Variants in ZNF26 observed in about 807,000 individuals in gnomAD.
The protein encoded by ZNF26 is zinc finger protein 26, also known as epididymis luminal protein 179.
In ZNF26, 32 loss-of-function variants were observed where a neutral mutation model predicts 54.9. The ratio of observed to expected loss-of-function variants is 0.58; its 90% CI spans 0.44 to 0.78. ZNF26 has a LOEUF of 0.78. Ranked by LOEUF, ZNF26 falls within the 30% of genes least tolerant of loss-of-function variation. The pLI is 0.00. For missense variants in ZNF26, 524 were observed against 634.0 expected, an observed-to-expected ratio of 0.83 and a Z score of 1.86; for synonymous variants, 221 against 209.2, an observed-to-expected ratio of 1.06 and a Z score of -0.49.
chr12:133,006,947 G>A, intron 1 of ZNF26, 95 bp from the exon 2 acceptor site: 4 of 1,415,580 alleles, frequency 2.8e-6, no homozygotes, highest in Non-Finnish European at 4.0e-6. Flanking sequence ...GAAATAGTTG[G>A]TAGAGGAACA....
chr12:133,025,365 T>C lies in ZNF26; in HGVS notation c.*13884T>C, dbSNP rs1953690478. On this transcript the variant is annotated 3_prime_UTR_variant, in exon 4 of 4. Coordinates refer to ENST00000328654, the MANE Select transcript of ZNF26 (RefSeq NM_019591.4). ...TCCTCAAGAGTCCCATCTGCACCTG[T>C]AGCAGAGTTTGACGATGAGATCCTG... The C allele has an allele frequency of 6.6e-6, 1 of 152,156 alleles. No homozygotes were observed. Among genetic ancestry groups the C allele is most frequent in the Non-Finnish European group, 1.5e-5 (1 of 68,040 alleles). The allele number at this position is 152,156 out of a possible 1,614,324, so 9.4% of individuals were successfully genotyped here. A position where few individuals can be genotyped will look rare whatever the true frequency, so the allele number is the denominator to read the frequency against.
Position 133,010,520 on chromosome 12 carries a change from A to T in ZNF26, c.641A>T (p.Lys214Met). 1 of 1,614,190 alleles carries T rather than the reference A, an allele frequency of 6.2e-7. No individual in the cohort carries two copies. The highest frequency in any genetic ancestry group is 1.7e-5 in the Admixed American group (1 of 60,028). Residue 214 changes from lysine to methionine, a missense_variant, in exon 4 of 4, where the codon AAG becomes ATG. Physicochemically the swap from Lys to Met is moderately conservative, Grantham distance 95. Transcript: ENST00000328654. ...CSKCERAFSA[K>M]SNLNAHQRVH... is the part of the protein sequence containing the mutation. ...AAATGTGAAAGAGCCTTCAGTGCCA[A>T]GTCAAACCTTAATGCTCATCAGAGA...
At chr12:132,992,492 A>G (rs1268619645) in intron 1 of ZNF26, among the ~76,000 whole-genome samples, 21 of 152,134 alleles carry the variant, frequency 1.4e-4, no homozygotes, top group African/African-American at 3.6e-4. Context: ...ATTTTCCTCC[A>G]TCTGTGATTT....
At position 133,026,224 on chromosome 12, in the gene ZNF26, CCA is replaced by C. The variant is rs1953703362; in HGVS notation, c.*14744_*14745del. 1 of 151,966 alleles carries C rather than the reference CCA, an allele frequency of 6.6e-6. No individual in the cohort carries two copies. The highest frequency in any genetic ancestry group is 1.5e-5 in the Non-Finnish European group (1 of 68,044). The allele number at this position is 151,966 out of a possible 1,614,324, so 9.4% of individuals were successfully genotyped here. A position where few individuals can be genotyped will look rare whatever the true frequency, so the allele number is the denominator to read the frequency against. On this transcript the variant is annotated 3_prime_UTR_variant, in exon 4 of 4. Transcript: ENST00000328654. ...TCAAGCAGTTCTCTGCCTCAGCCTC[CCA>C]AGTAGCTGGGATTACAGGTGCTCGC...
At chr12:132,991,636 A>AC (rs372924982) in intron 1 of ZNF26, among the ~76,000 whole-genome samples, 30,851 of 148,542 alleles carry the variant, frequency 0.21, 3,991 homozygotes, top group Non-Finnish European at 0.29. Context: ...ACAACAAAAA[A>AC]AAAAAAAACC....
intron 1 of ZNF26, among the ~76,000 whole-genome samples, chr12:132,990,152 G>A (rs1952916248): frequency 6.6e-6 from 1 of 152,128 alleles, no homozygotes; most frequent in East Asian, 1.9e-4. Context: ...GCTGGGCGTG[G>A]TGACACATGC....
At position 132,986,437 on chromosome 12, in the gene ZNF26, C is replaced by T. The variant is rs534182997; in HGVS notation, c.-404C>T. The T allele has an allele frequency of 3.9e-4, 81 of 205,602 alleles. No homozygotes were observed. The highest frequency in any genetic ancestry group is 5.9e-4 in the South Asian group (5 of 8,452). The allele number at this position is 205,602 out of a possible 1,614,324, so 12.7% of individuals were successfully genotyped here. ...TTAGACTCAGTGGACCGGAATCTGG[C>T]CAGCGGGTGTACCTGGCTGAGTCTC... On this transcript the variant is annotated 5_prime_UTR_variant, in exon 1 of 4. Coordinates refer to ENST00000328654, the MANE Select transcript of ZNF26 (RefSeq NM_019591.4).
intron 3 of ZNF26, among the ~76,000 whole-genome samples, chr12:133,009,343 A>G (rs1227780356): frequency 3.3e-5 from 5 of 152,174 alleles, no homozygotes; most frequent in Non-Finnish European, 7.4e-5. Context: ...CTGTAATCCC[A>G]GTACTGTGGG....
At chr12:133,008,252 T>C (rs2137254391) in intron 3 of ZNF26, among the ~76,000 whole-genome samples, 1 of 152,296 alleles carries the variant, frequency 6.6e-6, no homozygotes, top group East Asian at 1.9e-4. Flanking sequence ...AAAATTACCG[T>C]TCTTCCTCAA....
intron 1 of ZNF26, among the ~76,000 whole-genome samples, chr12:132,988,489 C>T (rs1952876489): frequency 2.6e-5 from 4 of 151,294 alleles, no homozygotes; most frequent in Admixed American, 2.6e-4. Flanking sequence ...AGCACTTCTT[C>T]CTCCTTGGCC....
At position 133,008,775 on chromosome 12, in the gene ZNF26, C is replaced by CAAA. The variant is rs57200465; in HGVS notation, c.256+1261_256+1263dup. On this transcript the variant is annotated intron_variant, in intron 3 of 3. Coordinates refer to ENST00000328654, the MANE Select transcript of ZNF26 (RefSeq NM_019591.4). ...TGGGCAACAGAGCGAGACTCCATCT[C>CAAA]AAAAAAAAAAAAAAAAAAAAGAAAA... Among the ~76,000 whole-genome samples the CAAA allele has an allele frequency of 1.6e-3, 101 of 61,358 alleles. 1 individual carries two copies. The highest frequency in any genetic ancestry group is 7.1e-3 in the South Asian group (13 of 1,824). 40.3% of individuals were successfully genotyped at this position (61,358 alleles called of 152,430 possible).
intron 1 of ZNF26, among the ~76,000 whole-genome samples, chr12:133,003,990 T>C (rs1953273556): frequency 6.6e-6 from 1 of 152,226 alleles, no homozygotes; most frequent in South Asian, 2.1e-4. Flanking sequence ...CAGCTTTCAT[T>C]GATGTAGCAT....
At chr12:132,988,170 G>A (rs1246298043) in intron 1 of ZNF26, among the ~76,000 whole-genome samples, 2 of 152,038 alleles carry the variant, frequency 1.3e-5, no homozygotes, top group East Asian at 1.9e-4. Flanking sequence ...CACCCAGTCC[G>A]GGTAATTTTT....
intron 1 of ZNF26, among the ~76,000 whole-genome samples, chr12:132,992,104 T>C (rs972655210): frequency 2.6e-5 from 4 of 151,494 alleles, no homozygotes; most frequent in Non-Finnish European, 5.9e-5. Flanking sequence ...GCCAAGATCA[T>C]GCCACTGCAC....
intron 1 of ZNF26, among the ~76,000 whole-genome samples, chr12:132,992,913 G>A (rs1952994346): frequency 6.6e-6 from 1 of 150,422 alleles, no homozygotes; most frequent in African/African-American, 2.4e-5. Flanking sequence ...GGTTTCTGTT[G>A]ATACATCCTT....
rs1044599439 is a variant in ZNF26 at position 133,018,658 on chromosome 12, T to A, written c.*7177T>A. 6.6e-6 allele frequency: 1 copy of A among 152,216 alleles called. No homozygotes were observed. Among genetic ancestry groups the A allele is most frequent in the African/African-American group, 2.4e-5 (1 of 41,460 alleles). 9.4% of individuals were successfully genotyped at this position (152,216 alleles called of 1,614,324 possible). ...TCTAACTATATCAATAATAACTTTT[T>A]TTTAAGAGGGTCTTGCTCTATTGCC... On this transcript the variant is annotated 3_prime_UTR_variant, in exon 4 of 4. Coordinates refer to ENST00000328654, the MANE Select transcript of ZNF26 (RefSeq NM_019591.4).
intron 1 of ZNF26, among the ~76,000 whole-genome samples, chr12:132,999,948 G>T (rs758616639): frequency 1.3e-5 from 2 of 152,140 alleles, no homozygotes; most frequent in African/African-American, 2.4e-5. Context: ...GGGATTACAG[G>T]TGTGAGCCAC....
At chr12:133,007,317 C>T (rs1953352965) in intron 2 of ZNF26, 120 bp from the exon 3 acceptor site, 1 of 1,304,456 alleles carries the variant, frequency 7.7e-7, no homozygotes, top group Admixed American at 2.0e-5. Flanking sequence ...CTGTTTGTCC[C>T]ACACTTCCTA....
chr12:133,012,033 G>T lies in ZNF26; in HGVS notation c.*552G>T. Reference sequence around the variant, plus strand: ...TGTACTTTATTTTTTAATGTAACTTGTTCTATCTATCTATATATATATTTG... The same window carrying T: ...TGTACTTTATTTTTTAATGTAACTTTTTCTATCTATCTATATATATATTTG... On this transcript the variant is annotated 3_prime_UTR_variant, in exon 4 of 4. Transcript: ENST00000328654. The T allele has an allele frequency of 6.6e-6, 1 of 152,058 alleles. No homozygotes were observed. The highest frequency in any genetic ancestry group is 2.4e-5 in the African/African-American group (1 of 41,388). The allele number at this position is 152,058 out of a possible 1,614,324, so 9.4% of individuals were successfully genotyped here.
Sources: gnomAD v4.1 joint callset for allele counts (sites outside exome capture counted in the v4.1 genomes callset) on GRCh38, gnomAD v4.1.1 for gene constraint, MANE v1.5 for transcripts, NCBI Gene and HGNC (gene_info 2026-07-23, HGNC 2026-07-21) for gene names.